Variants in PIWIL3 observed in about 807,000 individuals in gnomAD.
PIWIL3 encodes piwi like RNA-mediated gene silencing 3.
A neutral mutation model predicts 109.7 loss-of-function variants in PIWIL3; 101 were observed. That is an observed-to-expected ratio of 0.92 (90% CI 0.78 to 1.09). The LOEUF is 1.09. Among genes scored for constraint, PIWIL3 ranks in the 50% least tolerant of loss-of-function variants. PIWIL3 has a pLI of 0.00. For synonymous variants in PIWIL3, 373 were observed against 376.4 expected (o/e 0.99, Z 0.10); for missense variants, 1,031 against 1,072.6 (o/e 0.96, Z 0.54).
intron 1 of PIWIL3, among the ~76,000 whole-genome samples, chr22:24,773,667 A>C (rs1017142778): frequency 2.0e-5 from 3 of 151,974 alleles, no homozygotes; most frequent in African/African-American, 7.3e-5. Context: ...AGTTTTTAAA[A>C]GTAGGTTATT....
At chr22:24,770,692 G>A (rs550381043) in intron 1 of PIWIL3, among the ~76,000 whole-genome samples, 6 of 149,318 alleles carry the variant, frequency 4.0e-5, no homozygotes, top group African/African-American at 9.9e-5. Context: ...AAAATTAGCC[G>A]GGCATGGTGG....
intron 6 of PIWIL3, among the ~76,000 whole-genome samples, chr22:24,755,187 A>G (rs2147705170): frequency 6.6e-6 from 1 of 152,270 alleles, no homozygotes. Flanking sequence ...TGGTGGCACA[A>G]TCTCTGCTCA....
chr22:24,755,957 TA>T (rs751281934), intron 5 of PIWIL3, 52 bp from the exon 6 acceptor site: 1 of 1,576,622 alleles, frequency 6.3e-7, no homozygotes, highest in Non-Finnish European at 8.6e-7. Context: ...TCCAAAAAAC[TA>T]AACTTCATTG....
chr22:24,728,273 CT>C lies in PIWIL3; in HGVS notation c.1808del (p.Lys603ArgfsTer3). ...TCCTTGCCTGGACTTTTTCTAAGGT[CT>C]TTTTCACCACACACTGGCTTGGAAT... is the stretch of plus-strand genomic sequence containing the variant. ...CPIPSQCVVK[K>X]TLEKVQARTI... On this transcript the variant is annotated frameshift_variant, in exon 15 of 21. Transcript: ENST00000616349. LOFTEE classifies it high-confidence loss of function. 6.2e-7 allele frequency: 1 copy of C among 1,614,174 alleles called. No homozygotes were observed.
In PIWIL3 at chr22:24,755,808, C is replaced by T. The variant is rs1369093306; in HGVS notation, c.668G>A (p.Arg223His). The T allele has an allele frequency of 1.2e-5, 20 of 1,613,872 alleles. No individual in the cohort carries two copies. Among genetic ancestry groups the T allele is most frequent in the Admixed American group, 3.3e-5 (2 of 59,980 alleles). ...ELTPTSPDCL[R>H]YYNILFRRTF... ...CCTTCTAAAGAGAATGTTGTAATAGCGTAGGCAATCTGGCGACGTGGGCGT... is the reference window on the plus strand; with the variant it reads ...CCTTCTAAAGAGAATGTTGTAATAGTGTAGGCAATCTGGCGACGTGGGCGT... Residue 223 changes from arginine (R) to histidine (H), a missense_variant, in exon 6 of 21, where the codon CGC becomes CAC. Coordinates refer to ENST00000616349, the MANE Select transcript of PIWIL3 (RefSeq NM_001255975.1).
At chr22:24,748,740 G>A (rs549400340) in intron 12 of PIWIL3, among the ~76,000 whole-genome samples, 167 bp downstream of exon 12, 14 of 152,230 alleles carry the variant, frequency 9.2e-5, no homozygotes, top group African/African-American at 3.4e-4. Context: ...TATGTGCCAA[G>A]CACCTTACAT....
At chr22:24,756,830 A>G in intron 4 of PIWIL3, 125 bp from the exon 5 acceptor site, 2 of 816,512 alleles carry the variant, frequency 2.4e-6, no homozygotes, top group Non-Finnish European at 3.8e-6. Context: ...CTCTAATCCC[A>G]GCACTCTGGG....
At chr22:24,729,333 C>T (rs1923193759) in intron 14 of PIWIL3, among the ~76,000 whole-genome samples, 1 of 152,052 alleles carries the variant, frequency 6.6e-6, no homozygotes, top group African/African-American at 2.4e-5. Context: ...ACAGAGAGCT[C>T]GGATAACACC....
rs139481317 is a variant in PIWIL3, at chr22:24,757,615, T to TACACACACACACACACAC, written c.355+275_355+292dup. Among the ~76,000 whole-genome samples the TACACACACACACACACAC allele has an allele frequency of 6.0e-3, 469 of 77,694 alleles. 2 individuals are homozygous for TACACACACACACACACAC. Among genetic ancestry groups the TACACACACACACACACAC allele is most frequent in the South Asian group, 0.019 (38 of 2,010 alleles). The allele number at this position is 77,694 out of a possible 152,430, so 51.0% of individuals were successfully genotyped here. On this transcript the variant is annotated intron_variant, in intron 4 of 20. Transcript: ENST00000616349. ...AGACCGTGTCTCTACAAAATTTACA[T>TACACACACACACACACAC]ACACACACACACACACACACACATA...
chr22:24,724,436 A>ATT (rs111263336), intron 18 of PIWIL3, among the ~76,000 whole-genome samples: 13 of 135,206 alleles, frequency 9.6e-5, no homozygotes, highest in Admixed American at 2.9e-4. Context: ...TAATTTTTTC[A>ATT]TTTTTTTTTT....
At chr22:24,733,158 G>A (rs1394466707) in intron 14 of PIWIL3, among the ~76,000 whole-genome samples, 1 of 152,162 alleles carries the variant, frequency 6.6e-6, no homozygotes, top group Non-Finnish European at 1.5e-5. Flanking sequence ...ATTAAAAGAA[G>A]AAAGTCTAGG....
chr22:24,766,876 T>A (rs1925826676), intron 1 of PIWIL3, among the ~76,000 whole-genome samples: 1 of 151,206 alleles, frequency 6.6e-6, no homozygotes, highest in Non-Finnish European at 1.5e-5. Context: ...ATGCCTGTAA[T>A]CCCAGCACTT....
Position 24,756,485 on chromosome 22 carries a change from C to T in PIWIL3, c.570+6G>A. 1 of 1,609,416 alleles carries T rather than the reference C, an allele frequency of 6.2e-7. No homozygotes were observed. Among genetic ancestry groups the T allele is most frequent in the Non-Finnish European group, 8.5e-7 (1 of 1,176,594 alleles). ...CACAGGAAAATGTGAAACAACATTACTTAACCCGCTCTTTTAGTGGCCGAG... is the reference window on the plus strand; with the variant it reads ...CACAGGAAAATGTGAAACAACATTATTTAACCCGCTCTTTTAGTGGCCGAG... On this transcript the variant is annotated splice_donor_region_variant and intron_variant, in intron 5 of 20. Coordinates refer to ENST00000616349, the MANE Select transcript of PIWIL3 (RefSeq NM_001255975.1).
rs374272797 is a variant in PIWIL3 at position 24,725,551 on chromosome 22, A to G, written c.2010-36T>C. Reference sequence around the variant, plus strand: ...AAAAACCACCAGTTTGGAAAACAAGATTCTTAAAATCTCATTTGAGTCTGC... The same window carrying G: ...AAAAACCACCAGTTTGGAAAACAAGGTTCTTAAAATCTCATTTGAGTCTGC... On this transcript the variant is annotated intron_variant, in intron 16 of 20. Coordinates refer to ENST00000616349, the MANE Select transcript of PIWIL3 (RefSeq NM_001255975.1). 5.7e-5 allele frequency: 91 copies of G among 1,605,936 alleles called. 2 individuals carry two copies. The East Asian group carries it at 9.1e-4, about 16-fold the overall frequency.
chr22:24,760,194 C>G (rs947070084), intron 2 of PIWIL3, among the ~76,000 whole-genome samples: 17 of 152,120 alleles, frequency 1.1e-4, no homozygotes, highest in African/African-American at 3.9e-4. Flanking sequence ...ACAAAACAAA[C>G]CGAGGAGAAT....
At position 24,758,002 on chromosome 22, in the gene PIWIL3, T is replaced by TG; in HGVS notation, c.260dup (p.Ala88SerfsTer27). On this transcript the variant is annotated frameshift_variant, in exon 4 of 21. Transcript: ENST00000616349. LOFTEE classifies it high-confidence loss of function. ...CAATCCTTCTCTCCTGCAAGGGCGC[T>TG]GTATGCAACCCAGCCTCAGGTCCAG... 6.2e-7 allele frequency: 1 copy of TG among 1,613,978 alleles called. No homozygotes were observed. The highest frequency in any genetic ancestry group is 1.6e-4 in the Middle Eastern group (1 of 6,062).
chr22:24,765,442 T>C (rs1925730811), intron 1 of PIWIL3, among the ~76,000 whole-genome samples: 1 of 152,244 alleles, frequency 6.6e-6, no homozygotes, highest in Non-Finnish European at 1.5e-5. Flanking sequence ...TTCAGACACC[T>C]GTTCACAGAA....
At chr22:24,725,622 T>C in intron 16 of PIWIL3, 107 bp from the exon 17 acceptor site, 1 of 1,075,724 alleles carries the variant, frequency 9.3e-7, no homozygotes, top group Non-Finnish European at 1.4e-6. Context: ...TTAAGGACAT[T>C]TTAGCATCAA....
At chr22:24,763,148 CTTTTTTT>C (rs11288934) in intron 1 of PIWIL3, among the ~76,000 whole-genome samples, 48 of 141,676 alleles carry the variant, frequency 3.4e-4, no homozygotes, top group Non-Finnish European at 5.4e-4. Flanking sequence ...ACTTTTTTTT[CTTTTTTT>C]TTTTTTTGAG....
Sources: allele counts gnomAD v4.1 joint callset (sites outside exome capture counted in the v4.1 genomes callset), GRCh38; gene constraint gnomAD v4.1.1; transcripts MANE v1.5; gene names NCBI Gene and HGNC (gene_info 2026-07-23, HGNC 2026-07-21).